The following PTPRR variants were observed in gnomAD, a reference collection of about 807,000 sequenced individuals.
PTPRR encodes protein tyrosine phosphatase receptor type R, also known as receptor-type tyrosine-protein phosphatase R.
A neutral mutation model predicts 77.2 loss-of-function variants in PTPRR; 38 were observed. That is an observed-to-expected ratio of 0.49 (90% CI 0.38 to 0.65). The LOEUF is 0.65. Among genes scored for constraint, PTPRR ranks in the 30% least tolerant of loss-of-function variants. The probability of loss-of-function intolerance (pLI) is 0.00; values close to 1 mark genes in which losing one functional copy is unlikely to be tolerated. For synonymous variants in PTPRR, 299 were observed against 283.1 expected, an observed-to-expected ratio of 1.06 and a Z score of -0.57; for missense variants, 744 against 799.2, an observed-to-expected ratio of 0.93 and a Z score of 0.83.
chr12:70,831,784 C>G (rs565535966), intron 2 of PTPRR, among the ~76,000 whole-genome samples: 1 of 152,198 alleles, frequency 6.6e-6, no homozygotes, highest in African/African-American at 2.4e-5. Context: ...ATATTTATAG[C>G]CTCTGACTCA....
At chr12:70,753,800 A>G (rs1890478161) in intron 5 of PTPRR, among the ~76,000 whole-genome samples, 1 of 152,168 alleles carries the variant, frequency 6.6e-6, no homozygotes. Flanking sequence ...TCTCAAAGAC[A>G]TATCTCTTTT....
chr12:70,727,943 T>C (rs750444986), intron 6 of PTPRR, among the ~76,000 whole-genome samples: 18 of 152,154 alleles, frequency 1.2e-4, no homozygotes, highest in Non-Finnish European at 2.5e-4. Context: ...ATCATACCTG[T>C]AAGTCTAATA....
chr12:70,662,962 C>A (rs80299200), intron 10 of PTPRR, among the ~76,000 whole-genome samples: 9,308 of 151,546 alleles, frequency 0.061, 448 homozygotes, highest in Admixed American at 0.15. Context: ...AAATTGAGAT[C>A]CAAATATTAG....
chr12:70,718,078 TACTA>T (rs1889099258), intron 6 of PTPRR, among the ~76,000 whole-genome samples: 1 of 152,182 alleles, frequency 6.6e-6, no homozygotes, highest in Non-Finnish European at 1.5e-5. Flanking sequence ...GTCTCTCAAA[TACTA>T]ACTGTCTGAA....
rs1891756522 is a variant in PTPRR, at chr12:70,808,768, C to T, written c.358-43990G>A. Among the ~76,000 whole-genome samples the T allele has an allele frequency of 2.0e-5, 3 of 152,310 alleles. No individual in the cohort carries two copies. The South Asian group carries it at 6.2e-4, about 32-fold the overall frequency. On this transcript the variant is annotated intron_variant, in intron 2 of 13. Coordinates refer to ENST00000283228, the MANE Select transcript of PTPRR (RefSeq NM_002849.4). ...AGACATATCATACTACCATTTGCCTCTTCCTCAGACATGCCGTGCCATTTT... is the reference window on the plus strand; with the variant it reads ...AGACATATCATACTACCATTTGCCTTTTCCTCAGACATGCCGTGCCATTTT...
intron 2 of PTPRR, among the ~76,000 whole-genome samples, chr12:70,796,243 T>C (rs1379580532): frequency 6.6e-6 from 1 of 152,078 alleles, no homozygotes; most frequent in African/African-American, 2.4e-5. Context: ...AGATTTTTAA[T>C]AACAGATAAT....
chr12:70,676,535 T>G (rs1887453318), intron 10 of PTPRR, among the ~76,000 whole-genome samples: 1 of 152,066 alleles, frequency 6.6e-6, no homozygotes, highest in African/African-American at 2.4e-5. Flanking sequence ...CTCATAATTT[T>G]GATTGTAGGC....
intron 6 of PTPRR, among the ~76,000 whole-genome samples, chr12:70,734,418 C>G (rs1164993778): frequency 2.0e-5 from 3 of 152,108 alleles, no homozygotes; most frequent in African/African-American, 7.2e-5. Context: ...GATTTTGTCC[C>G]CCATGGTATG....
At chr12:70,829,315 T>C (rs1431916263) in intron 2 of PTPRR, among the ~76,000 whole-genome samples, 1 of 152,120 alleles carries the variant, frequency 6.6e-6, no homozygotes, top group Admixed American at 6.5e-5. Context: ...GGAAGGAAGA[T>C]TGAAAAGCGG....
chr12:70,705,375 G>A (rs973281101), intron 6 of PTPRR, among the ~76,000 whole-genome samples: 2 of 152,056 alleles, frequency 1.3e-5, no homozygotes, highest in African/African-American at 4.8e-5. Flanking sequence ...TAGGAAGAAA[G>A]GGCTAAAATT....
intron 2 of PTPRR, among the ~76,000 whole-genome samples, chr12:70,765,822 G>C (rs1184456037): frequency 6.6e-6 from 1 of 152,296 alleles, no homozygotes; most frequent in East Asian, 1.9e-4. Flanking sequence ...AAAACTTCAA[G>C]AGGAACGATC....
At chr12:70,865,824 G>A (rs540101232) in intron 2 of PTPRR, among the ~76,000 whole-genome samples, 1 of 152,284 alleles carries the variant, frequency 6.6e-6, no homozygotes, top group Non-Finnish European at 1.5e-5. Context: ...AATATGGCAA[G>A]ATCTAAGGTG....
At chr12:70,861,714 C>T (rs1235616080) in intron 2 of PTPRR, among the ~76,000 whole-genome samples, 1 of 152,042 alleles carries the variant, frequency 6.6e-6, no homozygotes, top group Non-Finnish European at 1.5e-5. Context: ...TACCCATTCT[C>T]CTCATACCAA....
intron 6 of PTPRR, among the ~76,000 whole-genome samples, chr12:70,723,502 A>C (rs1160968971): frequency 6.6e-6 from 1 of 152,150 alleles, no homozygotes; most frequent in Non-Finnish European, 1.5e-5. Flanking sequence ...CCAAAGATAA[A>C]ATCTTATTTA....
intron 6 of PTPRR, among the ~76,000 whole-genome samples, chr12:70,732,827 A>G (rs890511408): frequency 1.3e-5 from 2 of 152,148 alleles, no homozygotes; most frequent in Non-Finnish European, 2.9e-5. Context: ...CCAAAGTGCT[A>G]GGATTACAGG....
intron 2 of PTPRR, among the ~76,000 whole-genome samples, chr12:70,812,103 G>T (rs1891818683): frequency 6.6e-6 from 1 of 152,162 alleles, no homozygotes; most frequent in South Asian, 2.1e-4. Flanking sequence ...TTACAATTCT[G>T]CTTTTCTATC....
chr12:70,753,729 A>T (rs1164433805), intron 5 of PTPRR, among the ~76,000 whole-genome samples: 1 of 152,202 alleles, frequency 6.6e-6, no homozygotes, highest in Non-Finnish European at 1.5e-5. Context: ...TCCTTTTCAT[A>T]GAATGCTTTC....
At chr12:70,918,374 A>T (rs1015135079) in intron 1 of PTPRR, among the ~76,000 whole-genome samples, 1 of 152,234 alleles carries the variant, frequency 6.6e-6, no homozygotes, top group Non-Finnish European at 1.5e-5. Flanking sequence ...ATTGAAATAT[A>T]AAAATGTCCT....
intron 2 of PTPRR, among the ~76,000 whole-genome samples, chr12:70,783,265 A>G (rs1253708474): frequency 6.6e-6 from 1 of 152,112 alleles, no homozygotes; most frequent in African/African-American, 2.4e-5. Flanking sequence ...TGGAGTGTTC[A>G]GCTCTCAGCA....
Sources: allele counts gnomAD v4.1 joint callset (sites outside exome capture counted in the v4.1 genomes callset), GRCh38; gene constraint gnomAD v4.1.1; transcripts MANE v1.5; gene names NCBI Gene and HGNC (gene_info 2026-07-23, HGNC 2026-07-21).